Variants in UBASH3B observed in about 807,000 individuals in gnomAD.
The protein encoded by UBASH3B is ubiquitin-associated and SH3 domain-containing protein B.
In UBASH3B, 37 loss-of-function variants were observed where a neutral mutation model predicts 83.4. The observed-to-expected ratio is 0.44, with a 90% CI of 0.34 to 0.58. UBASH3B has a LOEUF of 0.58. UBASH3B is among the 20% of genes least tolerant of loss of function. The pLI is 0.01. For missense variants in UBASH3B, 657 were observed against 827.2 expected, an observed-to-expected ratio of 0.79 and a Z score of 2.52; for synonymous variants, 304 against 318.3, an observed-to-expected ratio of 0.96 and a Z score of 0.48.
intron 1 of UBASH3B, among the ~76,000 whole-genome samples, chr11:122,674,597 G>A (rs1158329935): frequency 4.6e-5 from 7 of 151,958 alleles, no homozygotes; most frequent in African/African-American, 1.2e-4. Flanking sequence ...TAGCCAGGAC[G>A]GTCTTGATCT....
intron 1 of UBASH3B, among the ~76,000 whole-genome samples, chr11:122,658,836 G>T (rs1024072856): frequency 3.3e-5 from 5 of 152,230 alleles, no homozygotes; most frequent in Non-Finnish European, 5.9e-5. Flanking sequence ...GTAACAAATT[G>T]TCACAAACTG....
intron 1 of UBASH3B, among the ~76,000 whole-genome samples, chr11:122,719,398 G>A (rs1216151639): frequency 6.6e-6 from 1 of 152,196 alleles, no homozygotes; most frequent in Non-Finnish European, 1.5e-5. Flanking sequence ...AACATGGCTT[G>A]AAACTCTTTA....
intron 1 of UBASH3B, among the ~76,000 whole-genome samples, chr11:122,692,470 A>C (rs1863908268): frequency 6.6e-6 from 1 of 152,240 alleles, no homozygotes; most frequent in Non-Finnish European, 1.5e-5. Context: ...GCATAGAAAC[A>C]AAGAATTGCA....
intron 5 of UBASH3B, among the ~76,000 whole-genome samples, chr11:122,788,573 A>C (rs1326134029): frequency 1.3e-5 from 2 of 152,062 alleles, no homozygotes. Flanking sequence ...CTATCTCAAA[A>C]TAATAATAAT....
At chr11:122,661,889 C>G (rs374513960) in intron 1 of UBASH3B, among the ~76,000 whole-genome samples, 10 of 148,430 alleles carry the variant, frequency 6.7e-5, no homozygotes, top group Non-Finnish European at 1.5e-5. Flanking sequence ...AAAAAAATAC[C>G]TTGATATGCT....
intron 5 of UBASH3B, among the ~76,000 whole-genome samples, chr11:122,786,096 C>T (rs1187077291): frequency 6.6e-6 from 1 of 152,112 alleles, no homozygotes; most frequent in Non-Finnish European, 1.5e-5. Context: ...GTCGCCCAGG[C>T]TGGAGTGCAG....
At chr11:122,773,789 G>A (rs775336612) in intron 1 of UBASH3B, among the ~76,000 whole-genome samples, 1 of 152,022 alleles carries the variant, frequency 6.6e-6, no homozygotes, top group African/African-American at 2.4e-5. Context: ...CACTTAATTA[G>A]ATCTTTCATT....
At chr11:122,667,278 C>T (rs1180877793) in intron 1 of UBASH3B, among the ~76,000 whole-genome samples, 1 of 151,982 alleles carries the variant, frequency 6.6e-6, no homozygotes, top group Non-Finnish European at 1.5e-5. Context: ...AACTCCTGAC[C>T]TCAGGTGATC....
intron 1 of UBASH3B, among the ~76,000 whole-genome samples, chr11:122,730,011 G>A (rs1370822339): frequency 8.6e-5 from 12 of 140,054 alleles, no homozygotes; most frequent in Non-Finnish European, 1.2e-4. Flanking sequence ...AAAAGGCCAG[G>A]TGCAGTGGCT....
At chr11:122,792,887 C>G (rs1422589041) in intron 6 of UBASH3B, among the ~76,000 whole-genome samples, 1 of 151,874 alleles carries the variant, frequency 6.6e-6, no homozygotes, top group Non-Finnish European at 1.5e-5. Flanking sequence ...TTTTTTAAGT[C>G]TCCTGGTGAT....
chr11:122,687,666 T>C (rs1349063405), intron 1 of UBASH3B, among the ~76,000 whole-genome samples: 1 of 152,190 alleles, frequency 6.6e-6, no homozygotes, highest in East Asian at 1.9e-4. Context: ...ATGAGAAAGT[T>C]AAGAATTTGC....
intron 1 of UBASH3B, among the ~76,000 whole-genome samples, chr11:122,770,302 A>G (rs1249485476): frequency 1.3e-5 from 2 of 152,184 alleles, no homozygotes; most frequent in African/African-American, 4.8e-5. Flanking sequence ...GTTATCCTAC[A>G]TCTTGTCTCT....
Position 122,656,126 on chromosome 11 carries a change from G to T in UBASH3B, c.77G>T (p.Arg26Met). The T allele has an allele frequency of 6.3e-7, 1 of 1,598,032 alleles. No homozygotes were observed. Among genetic ancestry groups the T allele is most frequent in the Admixed American group, 1.7e-5 (1 of 58,678 alleles). ...CTGTACAGCAAAGTCACCCCCCGGA[G>T]GAACCGCCAACAGCGCCCCGGCACC... Reference protein sequence around the residue: ...EELYSKVTPRRNRQQRPGTIK... With the variant: ...EELYSKVTPRMNRQQRPGTIK... The change falls in exon 1 of 14, where the codon AGG becomes ATG. Residue 26 changes from arginine (R) to methionine (M), a missense_variant. By Grantham distance (91) the Arg-to-Met change is moderately conservative. This residue lies in a region of UBASH3B where 78 missense variants were observed against 68.4 expected (regional missense o/e 1.14). Coordinates refer to ENST00000284273, the MANE Select transcript of UBASH3B (RefSeq NM_032873.5).
Position 122,655,850 on chromosome 11 carries a change from C to T in UBASH3B, c.-200C>T, listed in dbSNP as rs1863350576. ...GGCTGGTCCCGCAGCGGCCGCTTGC[C>T]GGCGTTCTGGCTCCTGTGGCCTCAC... On this transcript the variant is annotated 5_prime_UTR_variant, in exon 1 of 14. Coordinates refer to ENST00000284273, the MANE Select transcript of UBASH3B (RefSeq NM_032873.5). The T allele has an allele frequency of 1.8e-6, 1 of 558,702 alleles. No homozygotes were observed. 34.6% of individuals were successfully genotyped at this position (558,702 alleles called of 1,614,324 possible).
intron 1 of UBASH3B, among the ~76,000 whole-genome samples, chr11:122,734,745 G>A (rs548729485): frequency 6.6e-6 from 1 of 150,826 alleles, no homozygotes; most frequent in East Asian, 2.0e-4. Flanking sequence ...CATCAGATGT[G>A]CTTAATCTTA....
At chr11:122,755,103 G>A (rs1861262508) in intron 1 of UBASH3B, among the ~76,000 whole-genome samples, 1 of 152,086 alleles carries the variant, frequency 6.6e-6, no homozygotes, top group Non-Finnish European at 1.5e-5. Flanking sequence ...AGAGAAGTCA[G>A]ACTACACGGT....
intron 12 of UBASH3B, among the ~76,000 whole-genome samples, chr11:122,807,367 C>T (rs534539818): frequency 7.9e-5 from 12 of 152,242 alleles, no homozygotes; most frequent in African/African-American, 2.6e-4. Context: ...TATGCACAAA[C>T]GACTTCTTGC....
At chr11:122,707,790 CT>C (rs11301507) in intron 1 of UBASH3B, among the ~76,000 whole-genome samples, 122,614 of 151,544 alleles carry the variant, frequency 0.81, 50,581 homozygotes, top group East Asian at 0.95. Flanking sequence ...CCTCCGCCTC[CT>C]GTGTTCAAGC....
intron 1 of UBASH3B, among the ~76,000 whole-genome samples, chr11:122,748,226 C>T (rs547400840): frequency 3.2e-4 from 48 of 152,326 alleles, no homozygotes; most frequent in Admixed American, 1.2e-3. Flanking sequence ...AACTTCAGAC[C>T]GTCATTCTGC....
Sources: gnomAD v4.1 joint callset for allele counts (sites outside exome capture counted in the v4.1 genomes callset) on GRCh38, gnomAD v4.1.1 for gene constraint, gnomAD v4.1.1 regional missense constraint, MANE v1.5 for transcripts, NCBI Gene and HGNC (gene_info 2026-07-23, HGNC 2026-07-21) for gene names.